Variants in RUNX2 observed in about 807,000 individuals in gnomAD.
RUNX2 encodes the protein runt-related transcription factor 2.
A neutral mutation model predicts 51.7 loss-of-function variants in RUNX2; 10 were observed. The observed-to-expected ratio is 0.19, with a 90% CI of 0.12 to 0.33. The LOEUF is 0.33. Ranked by LOEUF, RUNX2 falls within the 10% of genes least tolerant of loss-of-function variation. The pLI is 1.00. For missense variants in RUNX2, 562 were observed against 691.3 expected (o/e 0.81, Z 2.10); for synonymous variants, 276 against 273.6 (o/e 1.01, Z -0.09).
At chr6:45,345,999 C>T (rs1376502175) in intron 2 of RUNX2, among the ~76,000 whole-genome samples, 1 of 152,170 alleles carries the variant, frequency 6.6e-6, no homozygotes, top group Non-Finnish European at 1.5e-5. Context: ...TGTCACCCTA[C>T]CTACAAATCT....
intron 2 of RUNX2, among the ~76,000 whole-genome samples, chr6:45,394,723 G>A (rs565397080): frequency 2.0e-5 from 3 of 152,296 alleles, no homozygotes; most frequent in African/African-American, 7.2e-5. Flanking sequence ...CTTCCTCCAT[G>A]TGGAATGCTG....
chr6:45,512,229 CT>C lies in RUNX2; in HGVS notation c.860-12del. 1 of 1,611,172 alleles carries C rather than the reference CT, an allele frequency of 6.2e-7. No individual in the cohort carries two copies. Among genetic ancestry groups the C allele is most frequent in the Non-Finnish European group, 8.5e-7 (1 of 1,179,510 alleles). The stretch of plus-strand genomic sequence containing the variant: ...AATGGTTGCTATACTAAAGATTTTT[CT>C]TTTTCTTTTTCCCAGACCCCAGGCA... On this transcript the variant is annotated splice_polypyrimidine_tract_variant and intron_variant, in intron 6 of 8. Transcript: ENST00000647337.
chr6:45,415,253 C>A (rs749558285), intron 2 of RUNX2, among the ~76,000 whole-genome samples: 1 of 152,106 alleles, frequency 6.6e-6, no homozygotes, highest in African/African-American at 2.4e-5. Flanking sequence ...ATTGGAGAAA[C>A]AAGGAATTGG....
rs367877929 is a variant in RUNX2 at position 45,437,942 on chromosome 6, T to C, written c.581-5T>C. The C allele has an allele frequency of 1.9e-5, 30 of 1,602,476 alleles. No individual in the cohort carries two copies. The highest frequency in any genetic ancestry group is 1.8e-4 in the Admixed American group (11 of 59,994). ...ACTGTATATTTTCCCCTTTTATATCTGCAGGCAAGAGTTTCACCTTGACCA... is the reference window on the plus strand; with the variant it reads ...ACTGTATATTTTCCCCTTTTATATCCGCAGGCAAGAGTTTCACCTTGACCA... On this transcript the variant is annotated splice_region_variant and splice_polypyrimidine_tract_variant and intron_variant, in intron 4 of 8. Coordinates refer to ENST00000647337, the MANE Select transcript of RUNX2 (RefSeq NM_001024630.4).
At chr6:45,334,936 T>C (rs572164501) in intron 2 of RUNX2, among the ~76,000 whole-genome samples, 5 of 151,270 alleles carry the variant, frequency 3.3e-5, no homozygotes, top group Non-Finnish European at 7.4e-5. Context: ...AAAGATGTTA[T>C]TTTCCAGTTA....
At chr6:45,498,036 A>G (rs1250694432) in intron 6 of RUNX2, among the ~76,000 whole-genome samples, 2 of 152,144 alleles carry the variant, frequency 1.3e-5, no homozygotes, top group Admixed American at 6.5e-5. Flanking sequence ...ATGGAAACTG[A>G]TGGTAGACAG....
intron 5 of RUNX2, among the ~76,000 whole-genome samples, chr6:45,453,669 GAGGCTTTTATGAAGGTCTTGAGAT>G (rs1479999933): frequency 2.0e-5 from 3 of 152,230 alleles, no homozygotes; most frequent in Non-Finnish European, 4.4e-5. Flanking sequence ...AAGAAGGATG[GAGGCTTTTATGAAGGTCTTGAGAT>G]TCAAAGGGAA....
chr6:45,437,446 C>A (rs987299024), intron 4 of RUNX2, among the ~76,000 whole-genome samples: 1 of 152,168 alleles, frequency 6.6e-6, no homozygotes, highest in Admixed American at 6.5e-5. Flanking sequence ...CCCATAAGAA[C>A]TTTCCTCTTT....
At chr6:45,366,333 G>C (rs1315509875) in intron 2 of RUNX2, among the ~76,000 whole-genome samples, 2 of 152,054 alleles carry the variant, frequency 1.3e-5, no homozygotes, top group African/African-American at 4.8e-5. Context: ...CTTTGGGCAA[G>C]TTACCTAACT....
At chr6:45,539,809 G>A (rs1802160689) in intron 7 of RUNX2, among the ~76,000 whole-genome samples, 1 of 152,186 alleles carries the variant, frequency 6.6e-6, no homozygotes, top group South Asian at 2.1e-4. Context: ...TCTGGAAGAA[G>A]AATATGTGGT....
chr6:45,540,726 T>C (rs539599802), intron 7 of RUNX2, among the ~76,000 whole-genome samples: 185 of 152,314 alleles, frequency 1.2e-3, no homozygotes, highest in African/African-American at 4.4e-3. Flanking sequence ...TGTGCTTACC[T>C]AACAGCAGGC....
chr6:45,416,281 T>C (rs17288390), intron 2 of RUNX2, among the ~76,000 whole-genome samples: 46,023 of 152,114 alleles, frequency 0.3, 7,343 homozygotes, highest in Non-Finnish European at 0.35. Flanking sequence ...CAAATGTTGA[T>C]ATTTTTAGTA....
At chr6:45,408,885 G>C (rs1797892452) in intron 2 of RUNX2, among the ~76,000 whole-genome samples, 1 of 152,164 alleles carries the variant, frequency 6.6e-6, no homozygotes, top group Non-Finnish European at 1.5e-5. Flanking sequence ...CTGGGTAAAG[G>C]ACACATGGGC....
Position 45,547,297 on chromosome 6 carries a change from C to A in RUNX2, c.1558C>A (p.Pro520Thr). Residue 520 changes from proline to threonine, a missense_variant, in exon 9 of 9, where the codon CCA becomes ACA. Around this residue, in one of 5 missense-constraint regions of RUNX2, gnomAD observed 304 missense variants for 353.2 expected, o/e 0.86. Coordinates refer to ENST00000647337, the MANE Select transcript of RUNX2 (RefSeq NM_001024630.4). ...CAGAATGGATGAATCTGTTTGGCGA[C>A]CATATTGAAATTCCTCAGCAGTGGC... ...SGRMDESVWR[P>T]Y 1 of 1,613,840 alleles carries A rather than the reference C, an allele frequency of 6.2e-7. No individual in the cohort carries two copies. Among genetic ancestry groups the A allele is most frequent in the Non-Finnish European group, 8.5e-7 (1 of 1,179,794 alleles).
intron 7 of RUNX2, among the ~76,000 whole-genome samples, chr6:45,532,162 A>ATTTTTTTTTTTTTTTTTTTT (rs3055521): frequency 1.2e-5 from 1 of 85,120 alleles, no homozygotes; most frequent in African/African-American, 4.8e-5. Flanking sequence ...GAAAACCTAG[A>ATTTTTTTTTTTTTTTTTTTT]TTTTTTTTTT....
At chr6:45,369,215 A>C (rs1182222239) in intron 2 of RUNX2, among the ~76,000 whole-genome samples, 1 of 152,014 alleles carries the variant, frequency 6.6e-6, no homozygotes, top group Admixed American at 6.6e-5. Context: ...TCAAACTTTC[A>C]CTATCTCCAG....
chr6:45,338,111 T>C (rs1391573238), intron 2 of RUNX2, among the ~76,000 whole-genome samples: 4 of 152,040 alleles, frequency 2.6e-5, no homozygotes, highest in Non-Finnish European at 4.4e-5. Flanking sequence ...ACAGATAAAG[T>C]TCTGTGTAGC....
At chr6:45,416,764 A>G (rs771461129) in intron 2 of RUNX2, among the ~76,000 whole-genome samples, 2 of 152,218 alleles carry the variant, frequency 1.3e-5, no homozygotes, top group Admixed American at 6.5e-5. Flanking sequence ...CAAACAAAAT[A>G]TATACCTCTT....
At chr6:45,410,204 A>C (rs1245908840) in intron 2 of RUNX2, among the ~76,000 whole-genome samples, 1 of 152,228 alleles carries the variant, frequency 6.6e-6, no homozygotes, top group Non-Finnish European at 1.5e-5. Flanking sequence ...GTATTCTAAA[A>C]AGAGAATGCC....
Sources: allele counts gnomAD v4.1 joint callset (sites outside exome capture counted in the v4.1 genomes callset), GRCh38; gene constraint gnomAD v4.1.1; regional missense constraint gnomAD v4.1.1; transcripts MANE v1.5; gene names NCBI Gene and HGNC (gene_info 2026-07-23, HGNC 2026-07-21).